XRCC1: variants seen among roughly 807,000 people sequenced by gnomAD.
The protein encoded by XRCC1 is DNA repair protein XRCC1.
Under a neutral mutation model 83.3 loss-of-function variants are expected in XRCC1, and 52 were observed. That is an observed-to-expected ratio of 0.62 (90% CI 0.50 to 0.79). The LOEUF is 0.79. Among genes scored for constraint, XRCC1 ranks in the 30% least tolerant of loss-of-function variants. The probability of loss-of-function intolerance (pLI) is 0.00; values close to 1 mark genes in which losing one functional copy is unlikely to be tolerated. For synonymous variants in XRCC1, 281 were observed against 312.6 expected, an observed-to-expected ratio of 0.90 and a Z score of 1.07; for missense variants, 793 against 823.5, an observed-to-expected ratio of 0.96 and a Z score of 0.45.
At chr19:43,575,061 C>T in intron 1 of XRCC1, 59 bp from the exon 2 acceptor site, 1 of 1,399,326 alleles carries the variant, frequency 7.1e-7, no homozygotes, top group East Asian at 2.3e-5. Context: ...AGGCCTCCAG[C>T]TCTCAGATGA....
At chr19:43,555,833 A>G (rs1185764402) in intron 3 of XRCC1, among the ~76,000 whole-genome samples, 1 of 152,144 alleles carries the variant, frequency 6.6e-6, no homozygotes. Flanking sequence ...GGCAGCACTC[A>G]TGTTGGTAGT....
intron 2 of XRCC1, among the ~76,000 whole-genome samples, chr19:43,572,121 C>T (rs992199271): frequency 1.3e-5 from 2 of 152,204 alleles, no homozygotes; most frequent in African/African-American, 2.4e-5. Flanking sequence ...AATACTCCCT[C>T]AGTCTCTCCC....
At chr19:43,570,418 C>T (rs190237262) in intron 2 of XRCC1, among the ~76,000 whole-genome samples, 3 of 152,330 alleles carry the variant, frequency 2.0e-5, no homozygotes, top group Admixed American at 6.5e-5. Flanking sequence ...AAGCAGATGG[C>T]TAAGCCCCAT....
intron 3 of XRCC1, among the ~76,000 whole-genome samples, chr19:43,558,015 G>A (rs531921184): frequency 6.6e-6 from 1 of 152,246 alleles, no homozygotes; most frequent in South Asian, 2.1e-4. Flanking sequence ...CAGAAGTGAT[G>A]TGTAATATAC....
chr19:43,547,745 C>A (rs549776742), intron 10 of XRCC1, among the ~76,000 whole-genome samples: 2 of 152,250 alleles, frequency 1.3e-5, no homozygotes, highest in East Asian at 3.9e-4. Flanking sequence ...AGTGATCCAC[C>A]CACCTCAGCC....
At chr19:43,543,533 G>A (rs1196075184) in intron 16 of XRCC1, 28 bp from the exon 17 acceptor site, 2 of 1,613,306 alleles carry the variant, frequency 1.2e-6, no homozygotes, top group African/African-American at 2.7e-5. Flanking sequence ...GTCCATACGG[G>A]AATGTGTCAT....
chr19:43,575,386 C>T, intron 1 of XRCC1, 22 bp downstream of exon 1: 1 of 1,578,632 alleles, frequency 6.3e-7, no homozygotes, highest in Non-Finnish European at 8.6e-7. Context: ...GTCTTCCAAC[C>T]TCCCCCATGC....
At chr19:43,557,780 A>G (rs1331756601) in intron 3 of XRCC1, among the ~76,000 whole-genome samples, 2 of 142,200 alleles carry the variant, frequency 1.4e-5, no homozygotes, top group East Asian at 2.1e-4. Flanking sequence ...CAACAGGAGC[A>G]AAATTCCATC....
At chr19:43,553,710 G>A (rs747672404) in intron 4 of XRCC1, 27 bp from the exon 5 acceptor site, 6 of 1,513,474 alleles carry the variant, frequency 4.0e-6, no homozygotes, top group South Asian at 3.9e-5. Flanking sequence ...GGGAGTCAGG[G>A]AGTCTGGCCC....
chr19:43,572,685 C>A (rs542895382), intron 2 of XRCC1, among the ~76,000 whole-genome samples: 1 of 152,224 alleles, frequency 6.6e-6, no homozygotes, highest in African/African-American at 2.4e-5. Flanking sequence ...ATTATAAATA[C>A]AAAAATTAGC....
intron 3 of XRCC1, among the ~76,000 whole-genome samples, chr19:43,556,297 T>C (rs561594764): frequency 1.3e-5 from 2 of 152,102 alleles, no homozygotes; most frequent in Admixed American, 6.6e-5. Flanking sequence ...CCACACTGCA[T>C]AGAACTGAGG....
Position 43,552,243 on chromosome 19 carries a change from G to A in XRCC1, c.856C>T (p.Pro286Ser), listed in dbSNP as rs747428172. The change falls in exon 9 of 17, where the codon CCA becomes TCA. Residue 286 changes from proline (P) to serine (S), a missense_variant. By Grantham distance (74) the Pro-to-Ser change is moderately conservative (BLOSUM62 -1). Transcript: ENST00000262887. ...PAPTRTPATA[P>S]VPARAQGAVT... is the part of the protein sequence containing the mutation. ...GCCCCCTGTGCTCGGGCAGGGACTG[G>A]GGCTGTGGCTGGGGTACGAGTTGGA... is the stretch of plus-strand genomic sequence containing the variant. 21 of 1,611,706 alleles carry A rather than the reference G, an allele frequency of 1.3e-5. No individual in the cohort carries two copies. The highest frequency in any genetic ancestry group is 1.4e-5 in the Non-Finnish European group (17 of 1,179,318).
rs1444972908 is a variant in XRCC1, at chr19:43,574,998, T to C, written c.56A>G (p.His19Arg). 1 of 1,613,800 alleles carries C rather than the reference T, an allele frequency of 6.2e-7. No individual in the cohort carries two copies. The highest frequency in any genetic ancestry group is 8.5e-7 in the Non-Finnish European group (1 of 1,179,704). ...VVSCSSQDST[H>R]CAENLLKADT... is the part of the protein sequence containing the mutation. ...TGCCTTGAGAAGATTTTCTGCACAGTGAGTCTGGAAACAACAGTGGGAGAG... is the reference window on the plus strand; with the variant it reads ...TGCCTTGAGAAGATTTTCTGCACAGCGAGTCTGGAAACAACAGTGGGAGAG... The change falls in exon 2 of 17, where the codon CAC becomes CGC. Residue 19 changes from histidine to arginine, a missense_variant. Transcript: ENST00000262887.
Position 43,553,663 on chromosome 19 carries a change from A to C in XRCC1, c.435T>G (p.Ser145Arg). Residue 145 changes from serine (S) to arginine (R), a missense_variant, in exon 5 of 17, where the codon AGT becomes AGG. By Grantham distance (110) the Ser-to-Arg change is moderately radical. Coordinates refer to ENST00000262887, the MANE Select transcript of XRCC1 (RefSeq NM_006297.3). Reference protein sequence around the residue: ...PYSKDSPFGLSFVRFHSPPDK... With the variant: ...PYSKDSPFGLRFVRFHSPPDK... ...CTGGGGGGCTATGAAACCGTACAAAACTCAAGCCAAAGGGGGAGTCCTGGG... is the reference window on the plus strand; with the variant it reads ...CTGGGGGGCTATGAAACCGTACAAACCTCAAGCCAAAGGGGGAGTCCTGGG... 1 of 1,540,136 alleles carries C rather than the reference A, an allele frequency of 6.5e-7. No individual in the cohort carries two copies. Among genetic ancestry groups the C allele is most frequent in the Non-Finnish European group, 8.8e-7 (1 of 1,139,358 alleles).
Position 43,575,420 on chromosome 19 carries a change from G to T in XRCC1, c.39C>A (p.Ser13Arg), listed in dbSNP as rs764451120. The stretch of plus-strand genomic sequence containing the variant: ...GCAGGTCCCTCACCGAGTCCTGGCT[G>T]CTGCAGGACACGACATGGCGGAGGC... ...EIRLRHVVSC[S>R]SQDSTHCAEN... The change falls in exon 1 of 17, where the codon AGC (serine) becomes AGA (arginine). Residue 13 changes from serine (S) to arginine (R), a missense_variant. By Grantham distance (110) the Ser-to-Arg change is moderately radical. Transcript: ENST00000262887. 6 of 1,609,844 alleles carry T rather than the reference G, an allele frequency of 3.7e-6. No individual in the cohort carries two copies. Among genetic ancestry groups the T allele is most frequent in the Non-Finnish European group, 4.2e-6 (5 of 1,176,948 alleles).
At chr19:43,544,021 G>T (rs1194065713) in intron 15 of XRCC1, 123 bp downstream of exon 15, 1 of 974,604 alleles carries the variant, frequency 1.0e-6, no homozygotes, top group Non-Finnish European at 1.5e-6. Context: ...CCCACCTGCT[G>T]GGCATGGCCC....
chr19:43,556,736 C>A (rs939905932), intron 3 of XRCC1, among the ~76,000 whole-genome samples: 1 of 151,302 alleles, frequency 6.6e-6, no homozygotes, highest in Non-Finnish European at 1.5e-5. Context: ...ACCCAGGAGG[C>A]GGAGGTTGCA....
intron 10 of XRCC1, among the ~76,000 whole-genome samples, chr19:43,548,779 A>AAAAAAAAAAAAAAAAAAAAAAC (rs1213062759): frequency 1.1e-4 from 15 of 141,734 alleles, no homozygotes; most frequent in East Asian, 6.6e-4. Flanking sequence ...AAAAAAAAAA[A>AAAAAAAAAAAAAAAAAAAAAAC]AAAAAAACAC....
intron 3 of XRCC1, among the ~76,000 whole-genome samples, chr19:43,556,273 C>T (rs1179329117): frequency 6.6e-6 from 1 of 152,142 alleles, no homozygotes; most frequent in Non-Finnish European, 1.5e-5. Flanking sequence ...AGAGTGGCAT[C>T]TCAGAGATCC....
Sources: allele counts gnomAD v4.1 joint callset (sites outside exome capture counted in the v4.1 genomes callset), GRCh38; gene constraint gnomAD v4.1.1; transcripts MANE v1.5; gene names NCBI Gene and HGNC (gene_info 2026-07-23, HGNC 2026-07-21).